CDK15: variants seen among roughly 807,000 people sequenced by gnomAD.
CDK15 encodes cyclin-dependent kinase 15.
CDK15 carries 62 observed loss-of-function variants against 60.3 expected under a neutral mutation model. That is an observed-to-expected ratio of 1.03 (90% CI 0.84 to 1.27). The LOEUF (loss-of-function observed/expected upper bound fraction) is 1.27, where lower values mean the gene tolerates loss of function less well. Among genes scored for constraint, CDK15 ranks in the 50% most tolerant of loss-of-function variants. CDK15 has a pLI of 0.00. For synonymous variants in CDK15, 194 were observed against 195.7 expected, an observed-to-expected ratio of 0.99 and a Z score of 0.07; for missense variants, 541 against 527.8, an observed-to-expected ratio of 1.03 and a Z score of -0.25.
intron 12 of CDK15, among the ~76,000 whole-genome samples, chr2:201,883,751 A>G (rs1211687570): frequency 6.6e-6 from 1 of 152,186 alleles, no homozygotes. Flanking sequence ...CCACTCAGAC[A>G]CCGGCTTATG....
chr2:201,878,783 T>C (rs1699172049), intron 11 of CDK15, among the ~76,000 whole-genome samples: 1 of 152,244 alleles, frequency 6.6e-6, no homozygotes, highest in African/African-American at 2.4e-5. Flanking sequence ...GCTTCACAGA[T>C]GGCACCTTCT....
In CDK15 at chr2:201,894,073, C is replaced by CCACACACACACACACACACACACA. The variant is rs5837794; in HGVS notation, c.*824_*847dup. The CCACACACACACACACACACACACA allele has an allele frequency of 3.6e-4, 52 of 144,414 alleles. No homozygotes were observed. Among genetic ancestry groups the CCACACACACACACACACACACACA allele is most frequent in the African/African-American group, 1.1e-3 (42 of 38,146 alleles). The allele number at this position is 144,414 out of a possible 1,614,324, so 8.9% of individuals were successfully genotyped here. On this transcript the variant is annotated 3_prime_UTR_variant, in exon 14 of 14. Transcript: ENST00000652192. Reference sequence around the variant, plus strand: ...ATGTAATTTAAGCCCTGTTGCACCACCACACACACACACACACACACACAC... The same window carrying CCACACACACACACACACACACACA: ...ATGTAATTTAAGCCCTGTTGCACCACCACACACACACACACACACACACACACACACACACACACACACACACAC...
rs190967595 is a variant in CDK15 at position 201,882,046 on chromosome 2, A to G, written c.1198+1879A>G. 9.2e-4 allele frequency among the ~76,000 whole-genome samples: 140 copies of G among 152,330 alleles called. 1 individual carries two copies. The highest frequency in any genetic ancestry group is 3.2e-3 in the African/African-American group (134 of 41,578). ...AGCTTTTGCTTGACGCAAGATGATT[A>G]GGAAGAAACAATCACTGTCCAAACT... On this transcript the variant is annotated intron_variant, in intron 12 of 13. Coordinates refer to ENST00000652192, the MANE Select transcript of CDK15 (RefSeq NM_001366386.2). This position sits in a 1 kb window ranked among gnomAD's most constrained non-coding sequence, Gnocchi z 4.0.
intron 8 of CDK15, among the ~76,000 whole-genome samples, chr2:201,844,861 C>T (rs1697574129): frequency 6.6e-6 from 1 of 151,522 alleles, no homozygotes; most frequent in African/African-American, 2.4e-5. Flanking sequence ...TAAAAATCAG[C>T]AATAAGGCCG....
At chr2:201,825,724 G>A (rs1346798604) in intron 6 of CDK15, among the ~76,000 whole-genome samples, 2 of 152,188 alleles carry the variant, frequency 1.3e-5, no homozygotes, top group Non-Finnish European at 2.9e-5. Flanking sequence ...CAGAGTTGAA[G>A]TTCTGCCAGA....
chr2:201,879,483 G>A (rs4673213), intron 11 of CDK15, among the ~76,000 whole-genome samples: 4,371 of 152,256 alleles, frequency 0.029, 131 homozygotes, highest in Admixed American at 0.088. Flanking sequence ...AGGTGCAAGT[G>A]ATTGTCATGC....
chr2:201,867,014 T>A (rs1698659774), intron 10 of CDK15, among the ~76,000 whole-genome samples: 1 of 152,180 alleles, frequency 6.6e-6, no homozygotes, highest in Non-Finnish European at 1.5e-5. Flanking sequence ...TTGTTATTCC[T>A]GGGGTCCTGG....
Position 201,854,944 on chromosome 2 carries a change from T to C in CDK15, c.1009+7T>C. On this transcript the variant is annotated splice_region_variant and intron_variant, in intron 10 of 13. Transcript: ENST00000652192. ...CTACCTAACTACAATCCAGGTAATA[T>C]TGATCTGAGCTTCTGAATACTCTGA... 2.5e-6 allele frequency: 4 copies of C among 1,613,404 alleles called. No homozygotes were observed. Among genetic ancestry groups the C allele is most frequent in the South Asian group, 1.1e-5 (1 of 91,058 alleles).
chr2:201,813,653 G>A (rs1043123951), intron 4 of CDK15, among the ~76,000 whole-genome samples: 1 of 152,222 alleles, frequency 6.6e-6, no homozygotes, highest in Non-Finnish European at 1.5e-5. Flanking sequence ...ACTAAGATGA[G>A]AGCAAGTTAG....
At position 201,866,354 on chromosome 2, in the gene CDK15, A is replaced by C. The variant is rs183428952; in HGVS notation, c.1010-5924A>C. Among the ~76,000 whole-genome samples, 426 of 152,282 alleles carry C rather than the reference A, an allele frequency of 2.8e-3. 2 individuals are homozygous for C. The highest frequency in any genetic ancestry group is 0.027 in the Middle Eastern group (8 of 294). The stretch of plus-strand genomic sequence containing the variant: ...TCAATCAACAAATCTCTGTTGACTA[A>C]GGTTACCAGATTTGAATTCCGTTGT... On this transcript the variant is annotated intron_variant, in intron 10 of 13. Transcript: ENST00000652192.
At chr2:201,836,145 ATATATATTT>A (rs1438731825) in intron 8 of CDK15, among the ~76,000 whole-genome samples, 7 of 63,180 alleles carry the variant, frequency 1.1e-4, no homozygotes, top group Admixed American at 9.0e-4. Context: ...TTTATATATT[ATATATATTT>A]TATATATTTA....
chr2:201,870,406 G>T, intron 10 of CDK15, among the ~76,000 whole-genome samples: 1 of 151,766 alleles, frequency 6.6e-6, no homozygotes, highest in African/African-American at 2.4e-5. Flanking sequence ...TGGAGGAAGA[G>T]ATTTTTAAAA....
intron 12 of CDK15, chr2:201,888,489 A>T (rs1203190321): frequency 6.5e-6 from 10 of 1,535,058 alleles, no homozygotes; most frequent in Non-Finnish European, 8.7e-7. Context: ...TTATGCTGTC[A>T]GCCTCGGGAA....
intron 9 of CDK15, among the ~76,000 whole-genome samples, chr2:201,850,374 A>G (rs1315165563): frequency 1.3e-5 from 2 of 152,262 alleles, no homozygotes; most frequent in Admixed American, 6.5e-5. Context: ...CAGTTAGCAC[A>G]GCACTTAGAA....
rs113754891 is a variant in CDK15, at chr2:201,836,873, T to C, written c.851+1110T>C. On this transcript the variant is annotated intron_variant, in intron 8 of 13. Coordinates refer to ENST00000652192, the MANE Select transcript of CDK15 (RefSeq NM_001366386.2). ...CATGCCAGTTCGATTTCTAATCAAT[T>C]AACTCTGGATTCTGTTATCTTGAAA... Among the ~76,000 whole-genome samples, 244 of 152,072 alleles carry C rather than the reference T, an allele frequency of 1.6e-3. 2 individuals are homozygous for C. The highest frequency in any genetic ancestry group is 5.5e-3 in the African/African-American group (230 of 41,494).
chr2:201,888,578 T>G, intron 12 of CDK15: 1 of 1,465,640 alleles, frequency 6.8e-7, no homozygotes, highest in African/African-American at 1.4e-5. Flanking sequence ...GCTTTTTTCG[T>G]TTTTTATTTC....
chr2:201,832,098 T>C (rs1574870631), intron 6 of CDK15, among the ~76,000 whole-genome samples: 2 of 151,370 alleles, frequency 1.3e-5, no homozygotes, highest in Admixed American at 1.3e-4. Context: ...CAGGCTGGAG[T>C]GCAGAGGCAC....
chr2:201,811,371 C>T (rs889585871), intron 3 of CDK15, among the ~76,000 whole-genome samples: 3 of 151,852 alleles, frequency 2.0e-5, no homozygotes, highest in Non-Finnish European at 4.4e-5. Flanking sequence ...AGGATGGTCT[C>T]GATCTCCTGA....
intron 12 of CDK15, among the ~76,000 whole-genome samples, chr2:201,886,871 T>C (rs1457427274): frequency 2.0e-5 from 3 of 152,132 alleles, no homozygotes; most frequent in Non-Finnish European, 4.4e-5. Flanking sequence ...CCAGTGTTGA[T>C]GAGATTGTGG....
Sources: gnomAD v4.1 joint callset for allele counts (sites outside exome capture counted in the v4.1 genomes callset) on GRCh38, gnomAD v4.1.1 for gene constraint, Gnocchi (gnomAD v3.1) non-coding constraint, MANE v1.5 for transcripts, NCBI Gene and HGNC (gene_info 2026-07-23, HGNC 2026-07-21) for gene names.